The following ERBB4 variants were observed in gnomAD, a reference collection of about 807,000 sequenced individuals.
ERBB4 encodes the protein receptor tyrosine-protein kinase erbB-4.
ERBB4 carries 42 observed loss-of-function variants against 158.0 expected under a neutral mutation model. The ratio of observed to expected loss-of-function variants is 0.27; its 90% confidence interval spans 0.21 to 0.34. The LOEUF is 0.34. ERBB4 is among the 10% of genes least tolerant of loss of function. The probability of loss-of-function intolerance (pLI) is 1.00; values close to 1 mark genes in which losing one functional copy is unlikely to be tolerated. For missense variants in ERBB4, 1,333 were observed against 1,624.1 expected, an observed-to-expected ratio of 0.82 and a Z score of 3.08; for synonymous variants, 583 against 558.7, an observed-to-expected ratio of 1.04 and a Z score of -0.61.
chr2:212,444,173 A>G (rs2092306600), intron 1 of ERBB4, among the ~76,000 whole-genome samples: 1 of 152,310 alleles, frequency 6.6e-6, no homozygotes, highest in Non-Finnish European at 1.5e-5. Context: ...TGACAGAGGA[A>G]GAAAAGACTA....
chr2:211,438,435 G>T (rs2063903135), intron 20 of ERBB4, among the ~76,000 whole-genome samples: 1 of 152,172 alleles, frequency 6.6e-6, no homozygotes, highest in African/African-American at 2.4e-5. Context: ...TGTGATTTTG[G>T]TCAATTTATA....
At chr2:212,458,448 G>A (rs899152299) in intron 1 of ERBB4, among the ~76,000 whole-genome samples, 8 of 152,066 alleles carry the variant, frequency 5.3e-5, no homozygotes, top group African/African-American at 1.7e-4. Flanking sequence ...AAAGAAAACT[G>A]AGAAACCCAA....
chr2:212,269,796 A>G (rs186326816), intron 1 of ERBB4, among the ~76,000 whole-genome samples: 69 of 151,886 alleles, frequency 4.5e-4, no homozygotes, highest in African/African-American at 1.5e-3. Flanking sequence ...GCTAAGCCCA[A>G]TTGAGTGTTC....
chr2:211,776,875 A>T (rs1002555183), intron 4 of ERBB4, among the ~76,000 whole-genome samples: 2 of 152,160 alleles, frequency 1.3e-5, no homozygotes, highest in Non-Finnish European at 2.9e-5. Context: ...TTTATTATAC[A>T]GAATGGAGGG....
intron 1 of ERBB4, among the ~76,000 whole-genome samples, chr2:212,249,040 C>A (rs1194523949): frequency 3.3e-5 from 5 of 152,152 alleles, no homozygotes; most frequent in Non-Finnish European, 4.4e-5. Flanking sequence ...GTAATTATAT[C>A]GTTTCTAATT....
At chr2:211,935,660 C>T (rs1351512964) in intron 3 of ERBB4, among the ~76,000 whole-genome samples, 2 of 152,002 alleles carry the variant, frequency 1.3e-5, no homozygotes, top group South Asian at 4.2e-4. Context: ...ATCCGAGGGT[C>T]TTCAGCTTAT....
At chr2:211,819,692 T>C (rs1054953800) in intron 3 of ERBB4, among the ~76,000 whole-genome samples, 2 of 151,782 alleles carry the variant, frequency 1.3e-5, no homozygotes, top group Non-Finnish European at 2.9e-5. Flanking sequence ...AATTCTGAGA[T>C]GGTAAGTGGT....
chr2:212,147,671 A>T lies in ERBB4; in HGVS notation c.83-22768T>A, dbSNP rs533609764. Among the ~76,000 whole-genome samples, 94 of 152,322 alleles carry T rather than the reference A, an allele frequency of 6.2e-4. 2 individuals carry two copies. In the South Asian group the frequency reaches 0.017, roughly 28 times the overall value. On this transcript the variant is annotated intron_variant, in intron 1 of 27. Coordinates refer to ENST00000342788, the MANE Select transcript of ERBB4 (RefSeq NM_005235.3). ...AATTGAATAAATTGAGGATGTATGT[A>T]TTGAAAATCTACTTTAGGGTATAAG...
At chr2:211,736,674 C>A (rs995249413) in intron 5 of ERBB4, among the ~76,000 whole-genome samples, 13 of 152,084 alleles carry the variant, frequency 8.5e-5, no homozygotes, top group Non-Finnish European at 1.5e-5. Flanking sequence ...CACAATACAG[C>A]CTGCCATAAT....
At chr2:211,661,408 G>C (rs2105909031) in intron 15 of ERBB4, among the ~76,000 whole-genome samples, 1 of 152,132 alleles carries the variant, frequency 6.6e-6, no homozygotes. Flanking sequence ...ATAAAAAAAA[G>C]TGTTTCAAAG....
chr2:211,905,023 T>C (rs1396232242), intron 3 of ERBB4, among the ~76,000 whole-genome samples: 1 of 152,174 alleles, frequency 6.6e-6, no homozygotes, highest in Non-Finnish European at 1.5e-5. Context: ...TTTGTATTAG[T>C]CTGGCATTGC....
chr2:211,820,254 T>C (rs56150461), intron 3 of ERBB4, among the ~76,000 whole-genome samples: 35,943 of 151,602 alleles, frequency 0.24, 4,404 homozygotes, highest in South Asian at 0.33. Flanking sequence ...TTAGGGACTG[T>C]TCATGCTGGT....
At chr2:212,395,580 T>G (rs1051881818) in intron 1 of ERBB4, among the ~76,000 whole-genome samples, 3 of 151,358 alleles carry the variant, frequency 2.0e-5, no homozygotes, top group African/African-American at 4.8e-5. Flanking sequence ...CTTGGGAGTA[T>G]TAATGACAGG....
intron 3 of ERBB4, among the ~76,000 whole-genome samples, chr2:211,789,353 T>C (rs1322959432): frequency 6.6e-6 from 1 of 152,194 alleles, no homozygotes; most frequent in Non-Finnish European, 1.5e-5. Context: ...CAGTGCCCAC[T>C]ATCTGTTCTG....
chr2:212,519,964 GTTAA>G (rs1213149347), intron 1 of ERBB4, among the ~76,000 whole-genome samples: 2 of 151,890 alleles, frequency 1.3e-5, no homozygotes, highest in African/African-American at 4.8e-5. Flanking sequence ...TGATGGATAG[GTTAA>G]TTATTCTAAT....
At chr2:212,409,184 T>C (rs1014291024) in intron 1 of ERBB4, among the ~76,000 whole-genome samples, 7 of 152,136 alleles carry the variant, frequency 4.6e-5, no homozygotes, top group Admixed American at 2.0e-4. Flanking sequence ...AGGTTATTTA[T>C]AAAAAGGGAG....
In ERBB4 at chr2:212,099,461, T is replaced by C. The variant is rs115065565; in HGVS notation, c.234+25291A>G. On this transcript the variant is annotated intron_variant, in intron 2 of 27. Coordinates refer to ENST00000342788, the MANE Select transcript of ERBB4 (RefSeq NM_005235.3). The stretch of plus-strand genomic sequence containing the variant: ...CTCCATTTACAACAGCTACAGTACA[T>C]TGTGATAAATGTACCCTTTGAATTA... 6.7e-3 allele frequency among the ~76,000 whole-genome samples: 1,028 copies of C among 152,298 alleles called. 9 individuals carry two copies. Among genetic ancestry groups the C allele is most frequent in the African/African-American group, 0.023 (969 of 41,574 alleles).
At chr2:211,792,804 T>A (rs1328191837) in intron 3 of ERBB4, among the ~76,000 whole-genome samples, 1 of 151,980 alleles carries the variant, frequency 6.6e-6, no homozygotes, top group Non-Finnish European at 1.5e-5. Context: ...CTTTCCTTGA[T>A]TTCCATTTTC....
At chr2:212,465,101 GAAGAAT>G (rs1332465764) in intron 1 of ERBB4, among the ~76,000 whole-genome samples, 1 of 152,066 alleles carries the variant, frequency 6.6e-6, no homozygotes, top group Non-Finnish European at 1.5e-5. Flanking sequence ...TTACAATATT[GAAGAAT>G]TAGCCCAGGA....
Sources: gnomAD v4.1 joint callset for allele counts (sites outside exome capture counted in the v4.1 genomes callset) on GRCh38, gnomAD v4.1.1 for gene constraint, MANE v1.5 for transcripts, NCBI Gene and HGNC (gene_info 2026-07-23, HGNC 2026-07-21) for gene names.